PUS7: variants seen among roughly 807,000 people sequenced by gnomAD.
The protein encoded by PUS7 is pseudouridylate synthase 7 homolog.
In PUS7, 48 loss-of-function variants were observed where a neutral mutation model predicts 79.8. The ratio of observed to expected loss-of-function variants is 0.60; its 90% CI spans 0.48 to 0.76. The LOEUF is 0.76. PUS7 is among the 30% of genes least tolerant of loss of function. The pLI is 0.00. For missense variants in PUS7, 729 were observed against 797.6 expected (o/e 0.91, Z 1.04); for synonymous variants, 286 against 272.2 (o/e 1.05, Z -0.50).
At position 105,495,255 on chromosome 7, in the gene PUS7, T is replaced by C; in HGVS notation, c.731-2A>G. 6.5e-7 allele frequency: 1 copy of C among 1,530,764 alleles called. No homozygotes were observed. The highest frequency in any genetic ancestry group is 9.0e-7 in the Non-Finnish European group (1 of 1,106,702). The allele number at this position is 1,530,764 out of a possible 1,614,324, so 94.8% of individuals were successfully genotyped here. ...TTGGCCAAGAATGTTTTCTTGGATC[T>C]TGAAAGCAAAAGAATTAACATTATA... On this transcript the variant is annotated splice_acceptor_variant, in intron 5 of 15. Transcript: ENST00000469408. LOFTEE classifies it high-confidence loss of function.
chr7:105,511,492 T>A (rs1586178799), intron 1 of PUS7, among the ~76,000 whole-genome samples: 1 of 149,082 alleles, frequency 6.7e-6, no homozygotes, highest in Non-Finnish European at 1.5e-5. Flanking sequence ...GCCAGGCGCA[T>A]GGCTCATGCC....
chr7:105,463,966 G>A (rs937167428), intron 13 of PUS7, among the ~76,000 whole-genome samples: 1 of 152,082 alleles, frequency 6.6e-6, no homozygotes, highest in Non-Finnish European at 1.5e-5. Flanking sequence ...GCTAGAACAG[G>A]TCCCTCACCA....
intron 1 of PUS7, among the ~76,000 whole-genome samples, chr7:105,516,914 A>G (rs978677893): frequency 5.3e-5 from 8 of 152,136 alleles, no homozygotes; most frequent in Non-Finnish European, 1.0e-4. Flanking sequence ...GGAAAGCCCA[A>G]GCATTCTATC....
intron 5 of PUS7, among the ~76,000 whole-genome samples, chr7:105,499,461 T>C (rs1825163639): frequency 6.6e-6 from 1 of 152,202 alleles, no homozygotes; most frequent in African/African-American, 2.4e-5. Context: ...CATAAGTCTT[T>C]AAAAACTATG....
At chr7:105,459,907 C>T (rs987491410) in intron 14 of PUS7, among the ~76,000 whole-genome samples, 16 of 152,048 alleles carry the variant, frequency 1.1e-4, no homozygotes, top group African/African-American at 3.9e-4. Context: ...CATTTCTTCA[C>T]ATTAATAATT....
chr7:105,481,402 C>T (rs1824314591), intron 8 of PUS7, among the ~76,000 whole-genome samples: 1 of 152,100 alleles, frequency 6.6e-6, no homozygotes, highest in South Asian at 2.1e-4. Context: ...CGGTATTAAC[C>T]CATTTATGGC....
chr7:105,473,742 C>T (rs949382155), intron 9 of PUS7, among the ~76,000 whole-genome samples: 3 of 151,802 alleles, frequency 2.0e-5, no homozygotes, highest in Admixed American at 6.6e-5. Context: ...TTAGTAGAGA[C>T]GAGGTTTCAC....
At chr7:105,515,935 G>C (rs1425277995) in intron 1 of PUS7, among the ~76,000 whole-genome samples, 4 of 151,946 alleles carry the variant, frequency 2.6e-5, no homozygotes, top group Non-Finnish European at 4.4e-5. Flanking sequence ...TCAGCCTCCT[G>C]AGTAGCTGGG....
At chr7:105,462,979 G>T (rs1563351986) in intron 13 of PUS7, among the ~76,000 whole-genome samples, 1 of 152,132 alleles carries the variant, frequency 6.6e-6, no homozygotes, top group African/African-American at 2.4e-5. Flanking sequence ...AGTTATTTTT[G>T]CAACCAGTCA....
chr7:105,470,100 T>C (rs112565544), intron 11 of PUS7, among the ~76,000 whole-genome samples: 10 of 152,320 alleles, frequency 6.6e-5, no homozygotes, highest in East Asian at 3.9e-4. Flanking sequence ...ACCTAAATGA[T>C]TGAACTGACA....
chr7:105,516,379 G>C (rs1192077504), intron 1 of PUS7, among the ~76,000 whole-genome samples: 2 of 152,238 alleles, frequency 1.3e-5, no homozygotes, highest in East Asian at 3.9e-4. Context: ...TCTGGACTAG[G>C]AAAGGCAAAA....
rs867267216 is a variant in PUS7 at position 105,513,599 on chromosome 7, C to T, written c.-32-5055G>A. 1.6e-4 allele frequency among the ~76,000 whole-genome samples: 23 copies of T among 147,906 alleles called. No individual in the cohort carries two copies. In the Middle Eastern group the frequency reaches 0.011, roughly 69 times the overall value. ...CTTTGGGAGGCCAAGGCAGGTGGAT[C>T]GCCAAGGCAGGCCGGATCACGAAGT... On this transcript the variant is annotated intron_variant, in intron 1 of 15. Coordinates refer to ENST00000469408, the MANE Select transcript of PUS7 (RefSeq NM_019042.5).
chr7:105,462,380 C>G (rs892316176), intron 14 of PUS7: 1 of 399,660 alleles, frequency 2.5e-6, no homozygotes, highest in Non-Finnish European at 4.4e-6. Context: ...TGCAGTGAGC[C>G]GAGATCATGC....
At chr7:105,462,848 C>A in intron 13 of PUS7, 98 bp from the exon 14 acceptor site, 2 of 1,153,120 alleles carry the variant, frequency 1.7e-6, no homozygotes, top group Non-Finnish European at 1.2e-6. Context: ...TTCAGTTAGA[C>A]TGCCCTAATA....
At chr7:105,471,365 T>C (rs952923271) in intron 10 of PUS7, among the ~76,000 whole-genome samples, 1 of 152,226 alleles carries the variant, frequency 6.6e-6, no homozygotes, top group African/African-American at 2.4e-5. Context: ...CAAGTTTTTA[T>C]ATTCCATTAC....
chr7:105,518,504 C>T (rs1237554309), intron 1 of PUS7, among the ~76,000 whole-genome samples: 1 of 151,348 alleles, frequency 6.6e-6, no homozygotes, highest in Admixed American at 6.6e-5. Context: ...CCAGCTCAAG[C>T]GATCCTCCCA....
At chr7:105,490,503 T>A (rs1034323503) in intron 7 of PUS7, among the ~76,000 whole-genome samples, 3 of 152,122 alleles carry the variant, frequency 2.0e-5, no homozygotes, top group African/African-American at 7.2e-5. Flanking sequence ...TGGTCTCTAG[T>A]TTTGCATGTC....
intron 6 of PUS7, among the ~76,000 whole-genome samples, chr7:105,493,161 AT>A: frequency 6.6e-6 from 1 of 152,354 alleles, no homozygotes; most frequent in African/African-American, 2.4e-5. Flanking sequence ...TTAAAAAGTT[AT>A]TGTGTGAATT....
intron 9 of PUS7, among the ~76,000 whole-genome samples, chr7:105,475,231 G>C (rs1321450898): frequency 6.6e-6 from 1 of 152,104 alleles, no homozygotes; most frequent in African/African-American, 2.4e-5. Flanking sequence ...TGTCACCCAG[G>C]CTAGAGTGCA....
Sources: gnomAD v4.1 joint callset for allele counts (sites outside exome capture counted in the v4.1 genomes callset) on GRCh38, gnomAD v4.1.1 for gene constraint, MANE v1.5 for transcripts, NCBI Gene and HGNC (gene_info 2026-07-23, HGNC 2026-07-21) for gene names.